TIMD4: variants seen among roughly 807,000 people sequenced by gnomAD.
TIMD4 encodes T cell immunoglobulin and mucin domain containing 4, also known as T-cell immunoglobulin and mucin domain-containing protein 4.
In TIMD4, 31 loss-of-function variants were observed where a neutral mutation model predicts 41.2. The observed-to-expected ratio is 0.75, with a 90% CI of 0.57 to 1.01. The LOEUF is 1.01. Ranked by LOEUF, TIMD4 falls within the 50% of genes least tolerant of loss-of-function variation. TIMD4 has a pLI of 0.00. For missense variants in TIMD4, 479 were observed against 472.5 expected (o/e 1.01, Z -0.13); for synonymous variants, 204 against 177.1 (o/e 1.15, Z -1.21).
At position 156,934,090 on chromosome 5, in the gene TIMD4, CAAG is replaced by C. The variant is rs1330306439; in HGVS notation, c.845-7781_845-7779del. On this transcript the variant is annotated intron_variant, in intron 5 of 8. Transcript: ENST00000274532. ...TCTGAAATGGCATTACAATTTTAGA[CAAG>C]AAGATCTTTTAAGAATCCACTTTTA... is the stretch of plus-strand genomic sequence containing the variant. Among the ~76,000 whole-genome samples the C allele has an allele frequency of 9.8e-5, 15 of 152,288 alleles. 1 individual carries two copies. Among genetic ancestry groups the C allele is most frequent in the South Asian group, 6.2e-4 (3 of 4,830 alleles).
At chr5:156,945,187 G>C (rs540685927) in intron 5 of TIMD4, among the ~76,000 whole-genome samples, 2 of 152,336 alleles carry the variant, frequency 1.3e-5, no homozygotes, top group East Asian at 1.9e-4. Flanking sequence ...GGAGGAAGCA[G>C]AGTGGCACGG....
intron 5 of TIMD4, among the ~76,000 whole-genome samples, chr5:156,932,110 A>T (rs2113353074): frequency 6.6e-6 from 1 of 152,354 alleles, no homozygotes; most frequent in East Asian, 1.9e-4. Flanking sequence ...TTCCCCAAAG[A>T]AAACTAAAAA....
At chr5:156,945,196 G>A (rs191069404) in intron 5 of TIMD4, among the ~76,000 whole-genome samples, 78 of 152,288 alleles carry the variant, frequency 5.1e-4, no homozygotes, top group Middle Eastern at 6.8e-3. Context: ...AGAGTGGCAC[G>A]GTGTTAGAGT....
chr5:156,947,924 A>G (rs1016337879), intron 5 of TIMD4, among the ~76,000 whole-genome samples: 2 of 152,220 alleles, frequency 1.3e-5, no homozygotes, highest in Admixed American at 1.3e-4. Context: ...GTAATTTAAA[A>G]TAAAAAAACA....
chr5:156,933,671 G>A (rs757395996), intron 5 of TIMD4, among the ~76,000 whole-genome samples: 5 of 151,890 alleles, frequency 3.3e-5, no homozygotes, highest in South Asian at 2.1e-4. Context: ...AGGTTCAAGC[G>A]ATTCTCCTGC....
chr5:156,924,497 G>C (rs371009371), intron 6 of TIMD4: 1 of 461,978 alleles, frequency 2.2e-6, no homozygotes, highest in African/African-American at 2.0e-5. Flanking sequence ...GACTTGTTTT[G>C]GCTAGAGGTT....
intron 5 of TIMD4, among the ~76,000 whole-genome samples, chr5:156,927,168 A>T (rs1759363279): frequency 6.6e-6 from 1 of 152,244 alleles, no homozygotes; most frequent in African/African-American, 2.4e-5. Flanking sequence ...TGAAAGTTTT[A>T]TTAGAATAAA....
intron 5 of TIMD4, among the ~76,000 whole-genome samples, chr5:156,933,906 C>G (rs1759492303): frequency 1.3e-5 from 2 of 152,104 alleles, no homozygotes; most frequent in South Asian, 4.2e-4. Context: ...TATTGGTCTA[C>G]TGGTGCAAAA....
intron 5 of TIMD4, among the ~76,000 whole-genome samples, chr5:156,931,792 C>T (rs929100217): frequency 1.3e-5 from 2 of 152,190 alleles, no homozygotes; most frequent in African/African-American, 4.8e-5. Context: ...TCCTGGGACT[C>T]TCTGCCATCA....
At chr5:156,945,260 G>A (rs928637363) in intron 5 of TIMD4, among the ~76,000 whole-genome samples, 1 of 152,164 alleles carries the variant, frequency 6.6e-6, no homozygotes, top group African/African-American at 2.4e-5. Flanking sequence ...TACCGGACAA[G>A]TTTTTAATCT....
chr5:156,933,663 G>C (rs1759485133), intron 5 of TIMD4, among the ~76,000 whole-genome samples: 1 of 151,940 alleles, frequency 6.6e-6, no homozygotes, highest in South Asian at 2.1e-4. Flanking sequence ...CACCTCCCAG[G>C]TTCAAGCGAT....
intron 5 of TIMD4, among the ~76,000 whole-genome samples, chr5:156,931,323 G>GCAGCAACA (rs1341382704): frequency 6.6e-6 from 1 of 152,190 alleles, no homozygotes; most frequent in Non-Finnish European, 1.5e-5. Context: ...AACTAATACA[G>GCAGCAACA]AGACAGTGGT....
Position 156,954,638 on chromosome 5 carries a change from G to A in TIMD4, c.177C>T (p.Cys59=), listed in dbSNP as rs763609080. Reference sequence around the variant, plus strand: ...GCGCCTCCTTGCAACCGGAGTAGGGGCACTGGTCTTTCCCCCAGCACATGC... The same window carrying A: ...GCGCCTCCTTGCAACCGGAGTAGGGACACTGGTCTTTCCCCCAGCACATGC... ...SNSMCWGKDQ[C]PYSGCKEALI... The change falls in exon 2 of 9, where the codon TGC becomes TGT. Residue 59 remains cysteine, a synonymous_variant. Coordinates refer to ENST00000274532, the MANE Select transcript of TIMD4 (RefSeq NM_138379.3). The A allele has an allele frequency of 1.9e-6, 3 of 1,614,094 alleles. No individual in the cohort carries two copies. The highest frequency in any genetic ancestry group is 2.7e-5 in the African/African-American group (2 of 74,924).
At chr5:156,935,066 C>A (rs1759514364) in intron 5 of TIMD4, among the ~76,000 whole-genome samples, 1 of 152,104 alleles carries the variant, frequency 6.6e-6, no homozygotes, top group Admixed American at 6.5e-5. Flanking sequence ...CTTACGCTGC[C>A]CCCTGTGGAT....
In TIMD4 at chr5:156,921,544, C is replaced by CAGG. The variant is rs1759238862; in HGVS notation, c.1012+552_1012+554dup. 2.8e-5 allele frequency among the ~76,000 whole-genome samples: 4 copies of CAGG among 141,478 alleles called. No individual in the cohort carries two copies. In the South Asian group the frequency reaches 8.9e-4, roughly 31 times the overall value. The allele number at this position is 141,478 out of a possible 152,430, so 92.8% of individuals were successfully genotyped here. A position where few individuals can be genotyped will look rare whatever the true frequency, so the allele number is the denominator to read the frequency against. On this transcript the variant is annotated intron_variant, in intron 7 of 8. Transcript: ENST00000274532. Reference sequence around the variant, plus strand: ...CTGAGGCAGGAGAATCACTTGAACCCAGGAGGCGGAGGTGCAGTAAGCTGA... The same window carrying CAGG: ...CTGAGGCAGGAGAATCACTTGAACCCAGGAGGAGGCGGAGGTGCAGTAAGCTGA...
rs756629474 is a variant in TIMD4, at chr5:156,919,545, TA to T, written c.1053-5del. ...ACTATCTCCAATGTAGTCTAGCCTG[TA>T]AACAGAAAAGAGGGGCTCATAATGG... On this transcript the variant is annotated splice_region_variant and splice_polypyrimidine_tract_variant and intron_variant, in intron 8 of 8. Transcript: ENST00000274532. The T allele has an allele frequency of 5.9e-4, 948 of 1,612,666 alleles. 1 individual carries two copies. The highest frequency in any genetic ancestry group is 7.3e-4 in the Non-Finnish European group (856 of 1,179,244).
intron 8 of TIMD4, among the ~76,000 whole-genome samples, chr5:156,920,097 T>A (rs1466049520): frequency 1.3e-5 from 2 of 152,232 alleles, no homozygotes; most frequent in African/African-American, 4.8e-5. Flanking sequence ...TTCTACATGC[T>A]TTTTTCATTT....
At chr5:156,924,409 A>T in intron 6 of TIMD4, 1 of 440,640 alleles carries the variant, frequency 2.3e-6, no homozygotes, top group South Asian at 1.8e-5. Flanking sequence ...TGGGGGTGAG[A>T]CAGCTATGAA....
intron 5 of TIMD4, among the ~76,000 whole-genome samples, chr5:156,928,849 T>A (rs1759396649): frequency 6.6e-6 from 1 of 152,222 alleles, no homozygotes; most frequent in South Asian, 2.1e-4. Context: ...CTCCTACCCT[T>A]GTTCTGTCAA....
Sources: gnomAD v4.1 joint callset for allele counts (sites outside exome capture counted in the v4.1 genomes callset) on GRCh38, gnomAD v4.1.1 for gene constraint, MANE v1.5 for transcripts, NCBI Gene and HGNC (gene_info 2026-07-23, HGNC 2026-07-21) for gene names.